The following PZP variants were observed in gnomAD, a reference collection of about 807,000 sequenced individuals.
The protein encoded by PZP is PZP alpha-2-macroglobulin like.
A neutral mutation model predicts 179.8 loss-of-function variants in PZP; 150 were observed. The observed-to-expected ratio is 0.83, with a 90% CI of 0.73 to 0.96. PZP has a LOEUF of 0.96. Ranked by LOEUF, PZP falls within the 40% of genes least tolerant of loss-of-function variation. The pLI, the probability that PZP is intolerant of heterozygous loss-of-function variation, is 0.00. For synonymous variants in PZP, 624 were observed against 652.3 expected, an observed-to-expected ratio of 0.96 and a Z score of 0.66; for missense variants, 1,689 against 1,764.0, an observed-to-expected ratio of 0.96 and a Z score of 0.76.
chr12:9,198,827 A>C (rs184000614), intron 7 of PZP, among the ~76,000 whole-genome samples: 33 of 152,324 alleles, frequency 2.2e-4, no homozygotes, highest in African/African-American at 7.7e-4. Context: ...CTACGGCACT[A>C]TTAATTTGGA....
chr12:9,201,869 C>A (rs932898687), intron 4 of PZP, among the ~76,000 whole-genome samples: 48 of 151,902 alleles, frequency 3.2e-4, no homozygotes, highest in Middle Eastern at 3.2e-3. Context: ...AAGGGAAATT[C>A]AATTAGCATA....
chr12:9,164,260 C>A lies in PZP; in HGVS notation c.2488-1G>T, dbSNP rs1254799230. 6.2e-7 allele frequency: 1 copy of A among 1,612,406 alleles called. No individual in the cohort carries two copies. The highest frequency in any genetic ancestry group is 8.5e-7 in the Non-Finnish European group (1 of 1,178,938). ...GAGAGGCTTTCAGCTGCACACTGAC[C>A]TATCACCCCATGTGAGGCAGAGACA... On this transcript the variant is annotated splice_acceptor_variant, in intron 19 of 35. Transcript: ENST00000261336. LOFTEE classifies it high-confidence loss of function.
At chr12:9,141,592 C>T in the PZP span, among the ~76,000 whole-genome samples, 6 of 152,166 alleles carry the variant, frequency 3.9e-5, no homozygotes, top group African/African-American at 1.4e-4. Flanking sequence ...TTACAATTAA[C>T]CTTCCAAAAC....
At chr12:9,150,516 A>T in intron 34 of PZP, 128 bp downstream of exon 34, 1 of 627,878 alleles carries the variant, frequency 1.6e-6, no homozygotes, top group Non-Finnish European at 2.7e-6. Context: ...TCGTTTTTAT[A>T]GTGTACATCT....
intron 15 of PZP, among the ~76,000 whole-genome samples, chr12:9,177,642 G>A (rs1565645284): frequency 6.6e-6 from 1 of 152,138 alleles, no homozygotes; most frequent in African/African-American, 2.4e-5. Flanking sequence ...AAATGAACAT[G>A]TATTATTTAT....
At chr12:9,152,199 T>A in intron 32 of PZP, 21 bp downstream of exon 32, 1 of 1,511,026 alleles carries the variant, frequency 6.6e-7, no homozygotes, top group Non-Finnish European at 9.2e-7. Flanking sequence ...ATGAAGTCTA[T>A]TAGGATTAAA....
At chr12:9,203,115 A>G (rs765034093) in intron 2 of PZP, among the ~76,000 whole-genome samples, 1 of 152,304 alleles carries the variant, frequency 6.6e-6, no homozygotes, top group African/African-American at 2.4e-5. Context: ...AAATTTTCAT[A>G]TGATCTATTT....
At position 9,158,415 on chromosome 12, in the gene PZP, T is replaced by C. The variant is rs1265945866; in HGVS notation, c.3294+5A>G. Reference sequence around the variant, plus strand: ...TCAGGCTCAGAAGTTTGTGGAACAGTTCACCTTTATGGCATTGTTGAGCAG... The same window carrying C: ...TCAGGCTCAGAAGTTTGTGGAACAGCTCACCTTTATGGCATTGTTGAGCAG... On this transcript the variant is annotated splice_donor_5th_base_variant and intron_variant, in intron 26 of 35. Coordinates refer to ENST00000261336, the MANE Select transcript of PZP (RefSeq NM_002864.3). The C allele has an allele frequency of 1.2e-6, 2 of 1,613,972 alleles. No individual in the cohort carries two copies. Among genetic ancestry groups the C allele is most frequent in the African/African-American group, 1.3e-5 (1 of 74,912 alleles).
At chr12:9,145,517 T>C (rs1428687743), downstream of PZP, among the ~76,000 whole-genome samples, 2 of 152,176 alleles carry the variant, frequency 1.3e-5, no homozygotes, top group Non-Finnish European at 2.9e-5. Flanking sequence ...TTAAAACATA[T>C]TTTAGTTTGT....
intron 15 of PZP, among the ~76,000 whole-genome samples, chr12:9,180,170 C>T (rs751712610): frequency 1.3e-5 from 2 of 152,178 alleles, no homozygotes; most frequent in Admixed American, 6.5e-5. Context: ...TTTTAGGGTA[C>T]ATGTGCACAT....
At chr12:9,178,816 G>A (rs980677398) in intron 15 of PZP, among the ~76,000 whole-genome samples, 10 of 152,184 alleles carry the variant, frequency 6.6e-5, no homozygotes, top group Non-Finnish European at 1.0e-4. Context: ...CACCCCTGCA[G>A]ATCAGGGGGC....
chr12:9,202,475 C>G lies in PZP; in HGVS notation c.427+50G>C, dbSNP rs374110986. The G allele has an allele frequency of 8.1e-6, 13 of 1,612,400 alleles. No individual in the cohort carries two copies. The African/African-American group carries it at 1.6e-4, about 20-fold the overall frequency. On this transcript the variant is annotated intron_variant, in intron 3 of 35. Coordinates refer to ENST00000261336, the MANE Select transcript of PZP (RefSeq NM_002864.3). ...TAGGATAATGGAGACTTTGGCTGTTCAGGTGGCCCTTCTCAGTGTTGCCCC... is the reference window on the plus strand; with the variant it reads ...TAGGATAATGGAGACTTTGGCTGTTGAGGTGGCCCTTCTCAGTGTTGCCCC...
At chr12:9,200,270 T>C in intron 7 of PZP, 94 bp downstream of exon 7, 1 of 775,444 alleles carries the variant, frequency 1.3e-6, no homozygotes, top group Middle Eastern at 2.7e-4. Flanking sequence ...ATTACAAAAG[T>C]GCTGAGGCAA....
At chr12:9,173,463 T>C (rs758406700) in intron 15 of PZP, among the ~76,000 whole-genome samples, 111 of 151,274 alleles carry the variant, frequency 7.3e-4, no homozygotes, top group African/African-American at 2.6e-3. Context: ...AGACAAGAAA[T>C]AGCAAAGATC....
At chr12:9,178,019 T>C (rs1942504424) in intron 15 of PZP, among the ~76,000 whole-genome samples, 1 of 152,220 alleles carries the variant, frequency 6.6e-6, no homozygotes, top group South Asian at 2.1e-4. Context: ...TACAGAAATA[T>C]AGTCATTGTC....
chr12:9,185,581 A>G (rs1337283295), intron 13 of PZP, among the ~76,000 whole-genome samples: 1 of 152,146 alleles, frequency 6.6e-6, no homozygotes, highest in Non-Finnish European at 1.5e-5. Flanking sequence ...GGAAATGAAG[A>G]GAACCCCAAA....
At chr12:9,157,719 C>T in intron 27 of PZP, 48 bp downstream of exon 27, 2 of 1,551,758 alleles carry the variant, frequency 1.3e-6, no homozygotes, top group Non-Finnish European at 1.8e-6. Flanking sequence ...TTCCAGACAG[C>T]AAATCTACAG....
chr12:9,184,277 T>A (rs1942962244), intron 13 of PZP, among the ~76,000 whole-genome samples: 1 of 151,950 alleles, frequency 6.6e-6, no homozygotes, highest in Admixed American at 6.6e-5. Context: ...ACCCTGCCCC[T>A]GCAATGGAGC....
chr12:9,194,800 C>G (rs1465120805), intron 10 of PZP, among the ~76,000 whole-genome samples: 1 of 152,140 alleles, frequency 6.6e-6, no homozygotes, highest in African/African-American at 2.4e-5. Flanking sequence ...CAACTTGCCA[C>G]TTAATATGCA....
Sources: allele counts gnomAD v4.1 joint callset (sites outside exome capture counted in the v4.1 genomes callset), GRCh38; gene constraint gnomAD v4.1.1; transcripts MANE v1.5; gene names NCBI Gene and HGNC (gene_info 2026-07-23, HGNC 2026-07-21).